RBFOX1: variants seen among roughly 807,000 people sequenced by gnomAD.
RBFOX1 encodes RNA binding protein fox-1 homolog 1.
Under a neutral mutation model 57.7 loss-of-function variants are expected in RBFOX1, and 8 were observed. The ratio of observed to expected loss-of-function variants is 0.14; its 90% CI spans 0.08 to 0.25. The LOEUF is 0.25. Among genes scored for constraint, RBFOX1 ranks in the 10% least tolerant of loss-of-function variants. The pLI is 1.00. For synonymous variants in RBFOX1, 326 were observed against 222.4 expected (o/e 1.47, Z -4.15); for missense variants, 611 against 548.5 (o/e 1.11, Z -1.14).
chr16:6,419,254 G>T (rs989271172), intron 2 of RBFOX1, among the ~76,000 whole-genome samples: 1 of 152,024 alleles, frequency 6.6e-6, no homozygotes, highest in African/African-American at 2.4e-5. Flanking sequence ...TACTGTCCAG[G>T]TATATGCTGT....
At chr16:6,117,663 C>T (rs979869080) in intron 1 of RBFOX1, among the ~76,000 whole-genome samples, 1 of 152,266 alleles carries the variant, frequency 6.6e-6, no homozygotes, top group Non-Finnish European at 1.5e-5. Flanking sequence ...CCTGCTGGCA[C>T]CTAGGTCTTG....
At chr16:7,052,929 T>C (rs995901830) in intron 4 of RBFOX1, among the ~76,000 whole-genome samples, 1 of 152,220 alleles carries the variant, frequency 6.6e-6, no homozygotes, top group African/African-American at 2.4e-5. Flanking sequence ...CTTATAGCCA[T>C]GTTTTCAAAT....
At chr16:6,697,489 G>T (rs1347492288) in intron 3 of RBFOX1, among the ~76,000 whole-genome samples, 3 of 152,172 alleles carry the variant, frequency 2.0e-5, no homozygotes, top group South Asian at 4.1e-4. Context: ...AAAACTAAAT[G>T]ATGTACAGAA....
At chr16:7,024,455 A>G (rs1434572505) in intron 3 of RBFOX1, among the ~76,000 whole-genome samples, 4 of 152,196 alleles carry the variant, frequency 2.6e-5, no homozygotes, top group Non-Finnish European at 5.9e-5. Context: ...CCATGAATTT[A>G]TAATCCATAG....
chr16:7,137,711 C>T (rs1373187012), intron 4 of RBFOX1, among the ~76,000 whole-genome samples: 1 of 152,146 alleles, frequency 6.6e-6, no homozygotes, highest in East Asian at 1.9e-4. Context: ...ACAACAGCAA[C>T]TTAACTCAAA....
chr16:6,118,631 T>C (rs115310556), intron 1 of RBFOX1, among the ~76,000 whole-genome samples: 2,749 of 150,872 alleles, frequency 0.018, 94 homozygotes, highest in African/African-American at 0.063. Context: ...TCCCTCCCTC[T>C]CTCCCTCTCT....
At chr16:7,373,534 C>T (rs1386274881) in intron 4 of RBFOX1, among the ~76,000 whole-genome samples, 1 of 152,098 alleles carries the variant, frequency 6.6e-6, no homozygotes, top group Non-Finnish European at 1.5e-5. Context: ...GGACTGTGAA[C>T]AGGAGATGGC....
chr16:6,754,394 T>A (rs2075446159), intron 3 of RBFOX1, among the ~76,000 whole-genome samples: 1 of 152,202 alleles, frequency 6.6e-6, no homozygotes, highest in South Asian at 2.1e-4. Context: ...AAAAGCAAAG[T>A]CATCTTGGGA....
At chr16:7,395,285 G>C (rs557760546) in intron 4 of RBFOX1, among the ~76,000 whole-genome samples, 2 of 152,170 alleles carry the variant, frequency 1.3e-5, no homozygotes, top group Admixed American at 6.5e-5. Context: ...CAACACACCT[G>C]TCATCAGATA....
intron 3 of RBFOX1, among the ~76,000 whole-genome samples, chr16:6,904,319 G>C (rs75287274): frequency 0.06 from 9,154 of 151,992 alleles, 499 homozygotes; most frequent in African/African-American, 0.13. Context: ...TCCATCTTTA[G>C]GCCAGGTGGG....
chr16:6,005,907 C>T (rs749637213), intron 4 of RBFOX1, among the ~76,000 whole-genome samples: 2 of 152,108 alleles, frequency 1.3e-5, no homozygotes, highest in Non-Finnish European at 2.9e-5. Flanking sequence ...AGTGGGATGA[C>T]AGAAGAGACT....
At chr16:7,383,748 C>G (rs139480692) in intron 4 of RBFOX1, among the ~76,000 whole-genome samples, 3 of 152,236 alleles carry the variant, frequency 2.0e-5, no homozygotes, top group Non-Finnish European at 4.4e-5. Context: ...TTACATCATA[C>G]AAAGTATGTT....
chr16:6,836,376 G>A (rs1204524743), intron 3 of RBFOX1, among the ~76,000 whole-genome samples: 1 of 152,178 alleles, frequency 6.6e-6, no homozygotes, highest in African/African-American at 2.4e-5. Context: ...AGCAACAGAA[G>A]CAACCAGAAA....
In RBFOX1 at chr16:7,712,196, C is replaced by A. The variant is rs189782184; in HGVS notation, c.*1451C>A. The stretch of plus-strand genomic sequence containing the variant: ...ACAAGTTAACTTAAGTTGGGGTATC[C>A]GTCACGGGTCTTCCTGTTTTGTATT... On this transcript the variant is annotated 3_prime_UTR_variant, in exon 16 of 16. Coordinates refer to ENST00000550418, the MANE Select transcript of RBFOX1 (RefSeq NM_018723.4). 3.9e-5 allele frequency: 6 copies of A among 152,536 alleles called. No homozygotes were observed. The highest frequency in any genetic ancestry group is 6.6e-5 in the Admixed American group (1 of 15,266). 9.4% of individuals were successfully genotyped at this position (152,536 alleles called of 1,614,324 possible). A position where few individuals can be genotyped will look rare whatever the true frequency, so the allele number is the denominator to read the frequency against.
intron 1 of RBFOX1, among the ~76,000 whole-genome samples, chr16:6,082,975 C>T (rs898496633): frequency 1.3e-5 from 2 of 150,446 alleles, no homozygotes; most frequent in African/African-American, 2.5e-5. Flanking sequence ...AAGACTGATC[C>T]ATCAGCAAAT....
At chr16:6,940,625 T>C (rs779394182) in intron 3 of RBFOX1, among the ~76,000 whole-genome samples, 8 of 152,024 alleles carry the variant, frequency 5.3e-5, no homozygotes, top group Non-Finnish European at 1.0e-4. Flanking sequence ...TGAGGCGGAG[T>C]CTTACTCTGT....
intron 4 of RBFOX1, among the ~76,000 whole-genome samples, chr16:5,997,585 C>A (rs767874255): frequency 1.3e-5 from 2 of 152,128 alleles, no homozygotes; most frequent in Admixed American, 1.3e-4. Context: ...ATCTCTAGAG[C>A]GATTAGGCAC....
chr16:6,961,750 G>A (rs2083065431), intron 3 of RBFOX1, among the ~76,000 whole-genome samples: 1 of 152,130 alleles, frequency 6.6e-6, no homozygotes, highest in Non-Finnish European at 1.5e-5. Context: ...TTGTTTCACG[G>A]CGTTTTTAAA....
At chr16:5,828,309 A>G (rs1463224926) in intron 3 of RBFOX1, among the ~76,000 whole-genome samples, 1 of 152,226 alleles carries the variant, frequency 6.6e-6, no homozygotes, top group Non-Finnish European at 1.5e-5. Flanking sequence ...TACTGTGATA[A>G]GAGCTGCAAA....
Sources: allele counts gnomAD v4.1 joint callset (sites outside exome capture counted in the v4.1 genomes callset), GRCh38; gene constraint gnomAD v4.1.1; transcripts MANE v1.5; gene names NCBI Gene and HGNC (gene_info 2026-07-23, HGNC 2026-07-21).